Variants in CACNA2D3 observed in about 807,000 individuals in gnomAD.
CACNA2D3 encodes voltage-dependent calcium channel subunit alpha-2/delta-3.
In CACNA2D3, 60 loss-of-function variants were observed where a neutral mutation model predicts 160.6. That is an observed-to-expected ratio of 0.37 (90% CI 0.30 to 0.46). CACNA2D3 has a LOEUF of 0.46. Among genes scored for constraint, CACNA2D3 ranks in the 20% least tolerant of loss-of-function variants. The probability of loss-of-function intolerance (pLI) is 1.00; values close to 1 mark genes in which losing one functional copy is unlikely to be tolerated. For synonymous variants in CACNA2D3, 558 were observed against 492.9 expected, an observed-to-expected ratio of 1.13 and a Z score of -1.75; for missense variants, 1,205 against 1,365.0, an observed-to-expected ratio of 0.88 and a Z score of 1.85.
chr3:54,529,437 A>C (rs1701773678), intron 5 of CACNA2D3, among the ~76,000 whole-genome samples: 1 of 152,196 alleles, frequency 6.6e-6, no homozygotes, highest in Non-Finnish European at 1.5e-5. Context: ...TGCTACAGCC[A>C]TTAAGAATCC....
chr3:54,798,937 T>G (rs1387078739), intron 13 of CACNA2D3, among the ~76,000 whole-genome samples: 5 of 152,214 alleles, frequency 3.3e-5, no homozygotes, highest in Non-Finnish European at 7.3e-5. Context: ...TCCTTAAACT[T>G]CCTGCCTTCA....
chr3:54,126,006 G>A (rs926538992), intron 2 of CACNA2D3, among the ~76,000 whole-genome samples: 2 of 152,104 alleles, frequency 1.3e-5, no homozygotes, highest in South Asian at 2.1e-4. Flanking sequence ...CTGTATTAAG[G>A]GGACTCAAAG....
At chr3:54,636,318 A>C (rs1699369778) in intron 10 of CACNA2D3, among the ~76,000 whole-genome samples, 1 of 151,960 alleles carries the variant, frequency 6.6e-6, no homozygotes. Flanking sequence ...TGGATCAGAG[A>C]GACACAGTCG....
intron 13 of CACNA2D3, among the ~76,000 whole-genome samples, chr3:54,799,420 A>G (rs1033893887): frequency 5.3e-5 from 8 of 152,090 alleles, no homozygotes; most frequent in South Asian, 2.1e-4. Context: ...TCACTTTCCA[A>G]TGAACAAAGT....
At chr3:55,052,106 A>G (rs1198320069) in intron 35 of CACNA2D3, among the ~76,000 whole-genome samples, 2 of 152,254 alleles carry the variant, frequency 1.3e-5, no homozygotes, top group East Asian at 3.9e-4. Flanking sequence ...AGCTGTTCCT[A>G]TTCGGCCATC....
chr3:54,716,877 A>T (rs1406556820), intron 11 of CACNA2D3, among the ~76,000 whole-genome samples: 3 of 150,590 alleles, frequency 2.0e-5, no homozygotes. Context: ...TCAAAAATGC[A>T]TGTGATAAGG....
intron 34 of CACNA2D3, among the ~76,000 whole-genome samples, chr3:55,014,239 G>A (rs1303428265): frequency 6.6e-6 from 1 of 152,174 alleles, no homozygotes; most frequent in East Asian, 1.9e-4. Context: ...GATGGTGAAG[G>A]TGGTGGTGGT....
chr3:54,744,549 T>C (rs1701714314), intron 11 of CACNA2D3, among the ~76,000 whole-genome samples: 1 of 152,210 alleles, frequency 6.6e-6, no homozygotes, highest in African/African-American at 2.4e-5. Flanking sequence ...TAATTGTTAT[T>C]ATAGCTCTAG....
At chr3:54,768,955 G>C (rs1702269075) in intron 13 of CACNA2D3, among the ~76,000 whole-genome samples, 1 of 152,174 alleles carries the variant, frequency 6.6e-6, no homozygotes, top group South Asian at 2.1e-4. Context: ...AGGCCAGGAA[G>C]GGCACTGGGG....
chr3:54,354,344 A>C lies in CACNA2D3; in HGVS notation c.322-32371A>C, dbSNP rs369764666. Among the ~76,000 whole-genome samples, 25 of 152,308 alleles carry C rather than the reference A, an allele frequency of 1.6e-4. 1 individual carries two copies. In the South Asian group the frequency reaches 5.2e-3, roughly 32 times the overall value. On this transcript the variant is annotated intron_variant, in intron 3 of 37. Transcript: ENST00000474759. The stretch of plus-strand genomic sequence containing the variant: ...CTTCTGATGATATCTCTTTAAATTG[A>C]ATTTGAGACATGGGCAAAAGTCAAC...
chr3:54,347,889 G>A lies in CACNA2D3; in HGVS notation c.321+27331G>A, dbSNP rs114871570. ...CCTAGAAGGCAGTACCCTCCCATGG[G>A]GCTTGGTACACTGTAGGCTCCTAAT... On this transcript the variant is annotated intron_variant, in intron 3 of 37. Transcript: ENST00000474759. Among the ~76,000 whole-genome samples the A allele has an allele frequency of 6.2e-3, 936 of 152,074 alleles. 11 individuals are homozygous for A. The highest frequency in any genetic ancestry group is 0.021 in the African/African-American group (864 of 41,468).
chr3:54,731,753 G>T (rs535555313), intron 11 of CACNA2D3, among the ~76,000 whole-genome samples: 3 of 152,052 alleles, frequency 2.0e-5, no homozygotes, highest in Non-Finnish European at 4.4e-5. Context: ...GTAACTATGT[G>T]TTAAAATGTC....
At chr3:54,588,038 T>G (rs538765281) in intron 9 of CACNA2D3, among the ~76,000 whole-genome samples, 1 of 152,180 alleles carries the variant, frequency 6.6e-6, no homozygotes, top group Non-Finnish European at 1.5e-5. Context: ...ATATTTCTCA[T>G]GAACTTACAT....
chr3:54,827,183 T>C (rs149386195), intron 14 of CACNA2D3, among the ~76,000 whole-genome samples: 1,763 of 152,362 alleles, frequency 0.012, 38 homozygotes, highest in African/African-American at 0.04. Context: ...ATCTCTACTC[T>C]GCTGTTTTCT....
At chr3:54,331,582 C>T (rs1425411437) in intron 3 of CACNA2D3, among the ~76,000 whole-genome samples, 1 of 152,190 alleles carries the variant, frequency 6.6e-6, no homozygotes, top group Non-Finnish European at 1.5e-5. Context: ...CTATGCTATG[C>T]TTTGCATATA....
chr3:54,989,342 G>A (rs1316132570), intron 31 of CACNA2D3, among the ~76,000 whole-genome samples: 2 of 152,178 alleles, frequency 1.3e-5, no homozygotes, highest in Admixed American at 1.3e-4. Context: ...TGTGGGTGAA[G>A]TACAGTTGGC....
At chr3:54,996,698 A>C (rs1056159325) in intron 31 of CACNA2D3, among the ~76,000 whole-genome samples, 66 of 152,184 alleles carry the variant, frequency 4.3e-4, no homozygotes, top group African/African-American at 1.6e-3. Context: ...TGAGTCAAGG[A>C]AGTACCCCTG....
chr3:54,533,534 C>T (rs1234918570), intron 5 of CACNA2D3, among the ~76,000 whole-genome samples: 1 of 151,902 alleles, frequency 6.6e-6, no homozygotes, highest in Non-Finnish European at 1.5e-5. Context: ...GGGGTTTTGC[C>T]ATGTTTGCCA....
intron 11 of CACNA2D3, among the ~76,000 whole-genome samples, chr3:54,737,918 G>C (rs1187939033): frequency 6.6e-6 from 1 of 152,050 alleles, no homozygotes; most frequent in Non-Finnish European, 1.5e-5. Context: ...CACCTGTCTC[G>C]GCCTCCCAAA....
Sources: allele counts gnomAD v4.1 joint callset (sites outside exome capture counted in the v4.1 genomes callset), GRCh38; gene constraint gnomAD v4.1.1; transcripts MANE v1.5; gene names NCBI Gene and HGNC (gene_info 2026-07-23, HGNC 2026-07-21).